Variants in DACH2 observed in about 807,000 individuals in gnomAD.
DACH2 encodes the protein dachshund homolog 2.
DACH2 carries 17 observed loss-of-function variants against 35.8 expected under a neutral mutation model. That is an observed-to-expected ratio of 0.48 (90% CI 0.33 to 0.71). The LOEUF is 0.71. DACH2 is among the 30% of genes least tolerant of loss of function. The pLI is 0.02. For synonymous variants in DACH2, 195 were observed against 177.3 expected (o/e 1.10, Z -0.79); for missense variants, 469 against 472.7 (o/e 0.99, Z 0.07).
chrX:86,473,362 T>C, intron 2 of DACH2, among the ~76,000 whole-genome samples: 1 of 111,421 alleles, frequency 9.0e-6, no homozygotes, highest in Non-Finnish European at 1.9e-5. Context: ...CTTTATGTTA[T>C]AGACAATCCA....
intron 1 of DACH2, among the ~76,000 whole-genome samples, chrX:86,292,827 A>G (rs1435975895): frequency 9.1e-6 from 1 of 109,943 alleles, no homozygotes; most frequent in Non-Finnish European, 1.9e-5. Context: ...ACATTTGCTG[A>G]GGAGAGCTTT....
At chrX:86,234,908 C>T (rs971357062) in intron 1 of DACH2, among the ~76,000 whole-genome samples, 1 of 111,557 alleles carries the variant, frequency 9.0e-6, no homozygotes, top group African/African-American at 3.3e-5. Flanking sequence ...CCACTGCGCC[C>T]AGCCCAATAT....
At chrX:86,761,202 C>G (rs757543244) in intron 7 of DACH2, among the ~76,000 whole-genome samples, 3 of 110,166 alleles carry the variant, frequency 2.7e-5, no homozygotes, top group Non-Finnish European at 5.7e-5. Flanking sequence ...CCTTTCCCCC[C>G]ATCCCTGACA....
intron 3 of DACH2, among the ~76,000 whole-genome samples, chrX:86,630,752 G>A (rs754810486): frequency 9.2e-6 from 1 of 108,724 alleles, no homozygotes; most frequent in Non-Finnish European, 1.9e-5. Context: ...GTGCAGTGGC[G>A]TGATCTCAGC....
At chrX:86,484,405 T>G (rs183634148) in intron 2 of DACH2, among the ~76,000 whole-genome samples, 108 of 111,832 alleles carry the variant, frequency 9.7e-4, no homozygotes, top group African/African-American at 3.3e-3. Context: ...TTGTTGGCAG[T>G]TCAGCACCCT....
At chrX:86,438,312 C>A (rs761251315) in intron 2 of DACH2, among the ~76,000 whole-genome samples, 1 of 107,142 alleles carries the variant, frequency 9.3e-6, no homozygotes, top group South Asian at 4.4e-4. Context: ...CAACCTCCGC[C>A]TCCAGGGTTC....
At chrX:86,292,163 T>C (rs1173507223) in intron 1 of DACH2, among the ~76,000 whole-genome samples, 15 of 73,952 alleles carry the variant, frequency 2.0e-4, no homozygotes, top group African/African-American at 9.2e-4. Context: ...GGAGAGTGTA[T>C]GTGTCGAGGA....
chrX:86,812,894 T>C lies in DACH2; in HGVS notation c.1279T>C (p.Leu427=). The C allele has an allele frequency of 8.3e-7, 1 of 1,204,697 alleles. No individual in the cohort carries two copies. Among genetic ancestry groups the C allele is most frequent in the Non-Finnish European group, 1.1e-6 (1 of 891,889 alleles). Reference sequence around the variant, plus strand: ...TCAAATTCCAATAATGAAGTCACCCTTGGACAAGATACAGCTGACTCCTGG... The same window carrying C: ...TCAAATTCCAATAATGAAGTCACCCCTGGACAAGATACAGCTGACTCCTGG... ...PVQIPIMKSP[L]DKIQLTPGQA... is the part of the protein sequence containing the mutation. The change falls in exon 8 of 12, where the codon TTG becomes CTG. Residue 427 remains leucine (L), a synonymous_variant. Transcript: ENST00000373125.
intron 1 of DACH2, among the ~76,000 whole-genome samples, chrX:86,215,439 A>C (rs2147917754): frequency 8.9e-6 from 1 of 112,022 alleles, no homozygotes; most frequent in East Asian, 2.8e-4. Context: ...ATAAGCTATG[A>C]GTTTACTATC....
intron 3 of DACH2, among the ~76,000 whole-genome samples, chrX:86,584,532 A>C (rs2148343738): frequency 9.0e-6 from 1 of 110,721 alleles, no homozygotes; most frequent in South Asian, 3.8e-4. Flanking sequence ...TAGATTCTTA[A>C]GGTGGCAGTT....
chrX:86,178,744 T>A (rs1466573228), intron 1 of DACH2, among the ~76,000 whole-genome samples: 2 of 110,165 alleles, frequency 1.8e-5, no homozygotes, highest in Non-Finnish European at 3.8e-5. Flanking sequence ...AATCATGAGG[T>A]TTTTAAGATT....
rs2030255336 is a variant in DACH2 at position 86,148,843 on chromosome X, G to A, written c.223G>A (p.Gly75Arg). The A allele has an allele frequency of 8.3e-7, 1 of 1,211,801 alleles. No homozygotes were observed. Among genetic ancestry groups the A allele is most frequent in the Non-Finnish European group, 1.1e-6 (1 of 895,539 alleles). ...CGAGTGCCGCATGGTCGACATGCAC[G>A]GGATGAAGGTGGCTTCGTTCCTGAT... ...TNECRMVDMH[G>R]MKVASFLMDG... The change falls in exon 1 of 12, where the codon GGG becomes AGG. Residue 75 changes from glycine to arginine, a missense_variant. Physicochemically the swap from Gly to Arg is moderately radical, Grantham distance 125. Coordinates refer to ENST00000373125, the MANE Select transcript of DACH2 (RefSeq NM_053281.3).
intron 3 of DACH2, among the ~76,000 whole-genome samples, chrX:86,596,799 C>T (rs982069007): frequency 4.5e-5 from 5 of 111,075 alleles, no homozygotes; most frequent in Non-Finnish European, 9.5e-5. Context: ...TTGCCACATC[C>T]AAAATCACCA....
chrX:86,406,985 T>C (rs1391462253), intron 2 of DACH2, among the ~76,000 whole-genome samples: 4 of 112,181 alleles, frequency 3.6e-5, no homozygotes, highest in Admixed American at 2.9e-4. Flanking sequence ...CATGTAGGAA[T>C]TAGTGTCAGA....
At chrX:86,569,741 G>A (rs1460102099) in intron 3 of DACH2, among the ~76,000 whole-genome samples, 1 of 111,416 alleles carries the variant, frequency 9.0e-6, no homozygotes, top group Non-Finnish European at 1.9e-5. Flanking sequence ...TTGATAAATG[G>A]GATCTAATTA....
intron 1 of DACH2, among the ~76,000 whole-genome samples, chrX:86,238,118 C>A (rs1031924779): frequency 2.7e-5 from 3 of 112,305 alleles, no homozygotes; most frequent in African/African-American, 6.5e-5. Context: ...GGGTCATATT[C>A]ACAATAATAA....
chrX:86,475,857 C>T (rs1473215128), intron 2 of DACH2, among the ~76,000 whole-genome samples: 2 of 111,418 alleles, frequency 1.8e-5, no homozygotes. Flanking sequence ...AGGTATGTTC[C>T]TCATTTTTTT....
At chrX:86,595,863 GACC>G (rs1186508709) in intron 3 of DACH2, among the ~76,000 whole-genome samples, 1 of 109,935 alleles carries the variant, frequency 9.1e-6, no homozygotes, top group Non-Finnish European at 1.9e-5. Context: ...ACTTTTTCAA[GACC>G]TGAAAGTGAA....
intron 1 of DACH2, among the ~76,000 whole-genome samples, chrX:86,356,352 C>G (rs992420770): frequency 1.8e-5 from 2 of 110,522 alleles, no homozygotes; most frequent in African/African-American, 6.6e-5. Flanking sequence ...AGATGTGTGG[C>G]CTTATTTCTG....
Sources: allele counts gnomAD v4.1 joint callset (sites outside exome capture counted in the v4.1 genomes callset), GRCh38; gene constraint gnomAD v4.1.1; transcripts MANE v1.5; gene names NCBI Gene and HGNC (gene_info 2026-07-23, HGNC 2026-07-21).